PTPRN2: variants seen among roughly 807,000 people sequenced by gnomAD.
The protein encoded by PTPRN2 is protein tyrosine phosphatase receptor type N2, also known as receptor-type tyrosine-protein phosphatase N2.
A neutral mutation model predicts 118.8 loss-of-function variants in PTPRN2; 74 were observed. That is an observed-to-expected ratio of 0.62 (90% CI 0.52 to 0.76). The LOEUF (loss-of-function observed/expected upper bound fraction) is 0.76. PTPRN2 is among the 30% of genes least tolerant of loss of function. The pLI, the probability that PTPRN2 is intolerant of heterozygous loss-of-function variation, is 0.00. For synonymous variants in PTPRN2, 641 were observed against 608.0 expected (o/e 1.05, Z -0.80); for missense variants, 1,481 against 1,394.4 (o/e 1.06, Z -0.99).
intron 19 of PTPRN2, among the ~76,000 whole-genome samples, chr7:157,574,751 C>A (rs191879362): frequency 6.6e-6 from 1 of 152,342 alleles, no homozygotes; most frequent in East Asian, 1.9e-4. Flanking sequence ...AGGGGTCTCA[C>A]CTTTCCTGTC....
chr7:157,762,113 T>C (rs186822259), intron 12 of PTPRN2, among the ~76,000 whole-genome samples: 16,618 of 150,410 alleles, frequency 0.11, 1,158 homozygotes, highest in African/African-American at 0.19. Flanking sequence ...GGAGAGGGTG[T>C]GGAGAAATAG....
At chr7:158,011,060 G>A (rs2128868664) in intron 11 of PTPRN2, among the ~76,000 whole-genome samples, 1 of 152,370 alleles carries the variant, frequency 6.6e-6, no homozygotes, top group Middle Eastern at 3.4e-3. Context: ...CTTGCACAGA[G>A]ATCCCAGCAA....
intron 3 of PTPRN2, among the ~76,000 whole-genome samples, chr7:158,266,879 C>T (rs1354429750): frequency 1.3e-5 from 2 of 152,246 alleles, no homozygotes; most frequent in African/African-American, 4.8e-5. Context: ...TCCAGTGGCC[C>T]TGGCTGGTGG....
intron 2 of PTPRN2, among the ~76,000 whole-genome samples, chr7:158,317,798 A>C (rs1802462458): frequency 6.6e-6 from 1 of 152,230 alleles, no homozygotes; most frequent in African/African-American, 2.4e-5. Flanking sequence ...ATTCAAATGC[A>C]ACAAGTGTAA....
At chr7:157,999,117 G>A (rs1054227968) in intron 11 of PTPRN2, among the ~76,000 whole-genome samples, 5 of 151,800 alleles carry the variant, frequency 3.3e-5, no homozygotes, top group Admixed American at 6.6e-5. Context: ...TCCTGTAAAC[G>A]TGAGCCTCAT....
At chr7:158,385,029 A>G (rs1811230259) in intron 2 of PTPRN2, among the ~76,000 whole-genome samples, 1 of 152,152 alleles carries the variant, frequency 6.6e-6, no homozygotes, top group Admixed American at 6.5e-5. Flanking sequence ...TGCTGGTGTG[A>G]CTTCCATTCA....
chr7:158,506,328 TGCGGG>T (rs938337252), intron 1 of PTPRN2, among the ~76,000 whole-genome samples: 15 of 152,114 alleles, frequency 9.9e-5, no homozygotes, highest in Non-Finnish European at 2.1e-4. Flanking sequence ...TGGCCAAGGC[TGCGGG>T]CTCCACAGTG....
chr7:158,370,927 C>T (rs773244677), intron 2 of PTPRN2, among the ~76,000 whole-genome samples: 1 of 152,186 alleles, frequency 6.6e-6, no homozygotes, highest in African/African-American at 2.4e-5. Flanking sequence ...AACACCCTTA[C>T]ACACAACTGT....
At chr7:157,604,904 C>T (rs910722450) in intron 15 of PTPRN2, among the ~76,000 whole-genome samples, 9 of 152,184 alleles carry the variant, frequency 5.9e-5, no homozygotes, top group Non-Finnish European at 1.0e-4. Flanking sequence ...TTAGAAACTT[C>T]GACAAGCAGA....
intron 3 of PTPRN2, among the ~76,000 whole-genome samples, chr7:158,312,271 CAT>C (rs1563119965): frequency 8.3e-6 from 1 of 120,452 alleles, no homozygotes; most frequent in African/African-American, 3.2e-5. Flanking sequence ...CACGTGCTCA[CAT>C]GTAGACACGC....
In PTPRN2 at chr7:157,619,646, T is replaced by G. The variant is rs1803032244; in HGVS notation, c.2344+1716A>C. Among the ~76,000 whole-genome samples, 1 of 152,260 alleles carries G rather than the reference T, an allele frequency of 6.6e-6. No homozygotes were observed. Among genetic ancestry groups the G allele is most frequent in the Non-Finnish European group, 1.5e-5 (1 of 68,044 alleles). On this transcript the variant is annotated intron_variant, in intron 15 of 22. Transcript: ENST00000389418. This position sits in a 1 kb window ranked among gnomAD's most constrained non-coding sequence, Gnocchi z 5.3. ...CCCTCAGACCTCATAGAAACTGGTC[T>G]GAACACTAAATGGGTAGCAAGAAGC...
chr7:158,452,467 C>T (rs1320253363), intron 2 of PTPRN2, among the ~76,000 whole-genome samples: 1 of 152,182 alleles, frequency 6.6e-6, no homozygotes, highest in Non-Finnish European at 1.5e-5. Context: ...CTCCTCAAGG[C>T]CTTCCCCATT....
chr7:158,053,143 A>C (rs1233312745), intron 11 of PTPRN2, among the ~76,000 whole-genome samples: 1 of 152,200 alleles, frequency 6.6e-6, no homozygotes, highest in African/African-American at 2.4e-5. Flanking sequence ...TGATTTTCAT[A>C]AACTAACCTA....
chr7:158,397,931 G>T (rs1012673462), intron 2 of PTPRN2, among the ~76,000 whole-genome samples: 14 of 152,184 alleles, frequency 9.2e-5, no homozygotes, highest in Non-Finnish European at 1.6e-4. Context: ...GTAAATCGAG[G>T]TGTGCATGAT....
chr7:158,074,201 C>T (rs948167332), intron 11 of PTPRN2, among the ~76,000 whole-genome samples: 2 of 152,208 alleles, frequency 1.3e-5, no homozygotes, highest in African/African-American at 2.4e-5. Flanking sequence ...ATCCAGGGTA[C>T]AGGGCCTTCT....
intron 3 of PTPRN2, among the ~76,000 whole-genome samples, chr7:158,290,241 G>C (rs928749927): frequency 6.6e-6 from 1 of 152,258 alleles, no homozygotes. Context: ...CTGAGTTCTG[G>C]AGCCTGGAGC....
intron 15 of PTPRN2, among the ~76,000 whole-genome samples, chr7:157,606,432 G>A (rs1000527658): frequency 3.9e-5 from 6 of 152,222 alleles, no homozygotes; most frequent in Non-Finnish European, 7.3e-5. Context: ...GATGGTAGTG[G>A]CCACTCCAGA....
chr7:158,375,069 C>A (rs916748463), intron 2 of PTPRN2, among the ~76,000 whole-genome samples: 3 of 152,204 alleles, frequency 2.0e-5, no homozygotes, highest in African/African-American at 7.2e-5. Flanking sequence ...CGAGGCTCAG[C>A]AGCAGACGTA....
At chr7:158,490,494 C>G (rs1236182349) in intron 1 of PTPRN2, among the ~76,000 whole-genome samples, 2 of 152,218 alleles carry the variant, frequency 1.3e-5, no homozygotes, top group Non-Finnish European at 2.9e-5. Flanking sequence ...CGCGGCCGAG[C>G]AGGCTGGCAA....
Sources: gnomAD v4.1 joint callset for allele counts (sites outside exome capture counted in the v4.1 genomes callset) on GRCh38, gnomAD v4.1.1 for gene constraint, Gnocchi (gnomAD v3.1) non-coding constraint, MANE v1.5 for transcripts, NCBI Gene and HGNC (gene_info 2026-07-23, HGNC 2026-07-21) for gene names.